The following EP400 variants were observed in gnomAD, a reference collection of about 807,000 sequenced individuals.
EP400 encodes the protein E1A-binding protein p400.
Under a neutral mutation model 354.1 loss-of-function variants are expected in EP400, and 105 were observed. The observed-to-expected ratio is 0.30, with a 90% CI of 0.25 to 0.35. The LOEUF (loss-of-function observed/expected upper bound fraction) is 0.35, where lower values mean the gene tolerates loss of function less well. Ranked by LOEUF, EP400 falls within the 10% of genes least tolerant of loss-of-function variation. The probability of loss-of-function intolerance (pLI) is 1.00; values close to 1 mark genes in which losing one functional copy is unlikely to be tolerated. For missense variants in EP400, 3,280 were observed against 4,121.0 expected (o/e 0.80, Z 5.59); for synonymous variants, 1,646 against 1,716.9 (o/e 0.96, Z 1.02).
chr12:131,971,836 G>A (rs1041961769), intron 2 of EP400, among the ~76,000 whole-genome samples: 1 of 151,958 alleles, frequency 6.6e-6, no homozygotes, highest in Non-Finnish European at 1.5e-5. Context: ...CCTCCACATC[G>A]TATTATGAAA....
intron 51 of EP400, among the ~76,000 whole-genome samples, chr12:132,071,900 C>T (rs990702095): frequency 2.0e-5 from 3 of 152,220 alleles, no homozygotes; most frequent in Admixed American, 6.5e-5. Flanking sequence ...ATAAAGCAAG[C>T]CCCATGAGTA....
At chr12:132,042,471 C>T (rs989420224) in intron 32 of EP400, among the ~76,000 whole-genome samples, 6 of 152,142 alleles carry the variant, frequency 3.9e-5, no homozygotes, top group Admixed American at 1.3e-4. Flanking sequence ...TTACTCTGCC[C>T]ACCTGAAGGT....
At position 132,064,666 on chromosome 12, in the gene EP400, A is replaced by C. The variant is rs762276145; in HGVS notation, c.8335-2A>C. 1 of 1,610,388 alleles carries C rather than the reference A, an allele frequency of 6.2e-7. No homozygotes were observed. Among genetic ancestry groups the C allele is most frequent in the South Asian group, 1.1e-5 (1 of 90,970 alleles). On this transcript the variant is annotated splice_acceptor_variant, in intron 47 of 52. Coordinates refer to ENST00000389561, the MANE Select transcript of EP400 (RefSeq NM_015409.5). LOFTEE classifies it high-confidence loss of function. ...AGAGAAGATACTTTGCTTGTATTTTAGGAACACCTCATCAAAATGCAGAAG... is the reference window on the plus strand; with the variant it reads ...AGAGAAGATACTTTGCTTGTATTTTCGGAACACCTCATCAAAATGCAGAAG...
rs534016465 is a variant in EP400 at position 131,962,004 on chromosome 12, A to T, written c.1335+50A>T. 6.9e-5 allele frequency: 107 copies of T among 1,542,436 alleles called. No individual in the cohort carries two copies. In the South Asian group the frequency reaches 1.2e-3, roughly 18 times the overall value. On this transcript the variant is annotated intron_variant, in intron 2 of 52. Coordinates refer to ENST00000389561, the MANE Select transcript of EP400 (RefSeq NM_015409.5). ...TAGTACAAATCTTCTAGATGATCAGAGTCTATGCGACAATGAATTAAGTAA... is the reference window on the plus strand; with the variant it reads ...TAGTACAAATCTTCTAGATGATCAGTGTCTATGCGACAATGAATTAAGTAA...
chr12:132,077,284 C>A, intron 52 of EP400, 117 bp from the exon 53 acceptor site: 1 of 1,310,848 alleles, frequency 7.6e-7, no homozygotes, highest in Non-Finnish European at 1.1e-6. Context: ...TCTTCCGTGT[C>A]ATAAAAGCAT....
intron 15 of EP400, among the ~76,000 whole-genome samples, chr12:132,007,288 T>C (rs1215326617): frequency 1.3e-5 from 2 of 152,256 alleles, no homozygotes; most frequent in African/African-American, 4.8e-5. Flanking sequence ...TTTCATGTTA[T>C]CATGTCCATG....
chr12:131,978,259 G>T (rs1405027897), intron 2 of EP400, among the ~76,000 whole-genome samples: 1 of 152,156 alleles, frequency 6.6e-6, no homozygotes, highest in African/African-American at 2.4e-5. Flanking sequence ...CCGCCCATGT[G>T]CACAGCCTCC....
At chr12:132,042,988 C>T (rs75171399) in intron 32 of EP400, among the ~76,000 whole-genome samples, 7,941 of 152,320 alleles carry the variant, frequency 0.052, 295 homozygotes, top group Non-Finnish European at 0.084. Context: ...CTTTCTTGTT[C>T]TCCAAGCTTC....
chr12:131,990,708 A>G lies in EP400; in HGVS notation c.2623A>G (p.Arg875Gly). The G allele has an allele frequency of 6.2e-7, 1 of 1,610,390 alleles. No individual in the cohort carries two copies. The highest frequency in any genetic ancestry group is 8.5e-7 in the Non-Finnish European group (1 of 1,177,718). The change falls in exon 9 of 53, where the codon AGG becomes GGG. Residue 875 changes from arginine (R) to glycine (G), a missense_variant. Around this residue, in one of 20 missense-constraint regions of EP400, gnomAD observed 800 missense variants for 840.0 expected, o/e 0.95. Transcript: ENST00000389561. This position sits in a 1 kb window ranked among gnomAD's most constrained non-coding sequence, Gnocchi z 4.2. ...GGCCTTAAATTTACAGAAAGTTTCC[A>G]GGAGAGGTAGGACCCTTTAAAAAAA... ...KKALNLQKVS[R>G]RGKELRPKGF...
At chr12:132,015,075 G>C (rs987823801) in intron 19 of EP400, among the ~76,000 whole-genome samples, 1 of 152,238 alleles carries the variant, frequency 6.6e-6, no homozygotes, top group Non-Finnish European at 1.5e-5. Context: ...TTCTGTGCAT[G>C]CGCATGTGGA....
chr12:132,024,973 C>G (rs1894253818), intron 24 of EP400, among the ~76,000 whole-genome samples: 1 of 152,144 alleles, frequency 6.6e-6, no homozygotes, highest in Non-Finnish European at 1.5e-5. Context: ...GGTGAGCCCA[C>G]TGACCTCCTT....
intron 45 of EP400, among the ~76,000 whole-genome samples, chr12:132,060,534 G>T (rs952897191): frequency 6.6e-6 from 1 of 152,218 alleles, no homozygotes; most frequent in Non-Finnish European, 1.5e-5. Flanking sequence ...AGCAGCAGCA[G>T]TGAGGCCGGG....
Position 132,077,590 on chromosome 12 carries a change from G to A in EP400, c.9289G>A (p.Asp3097Asn), listed in dbSNP as rs768908362. Residue 3097 changes from aspartate (D) to asparagine (N), a missense_variant, in exon 53 of 53, where the codon GAC becomes AAC. Asp to Asn is a conservative substitution (Grantham distance 23, BLOSUM62 1). Transcript: ENST00000389561. ...PNPAQVPASS[D>N]SPSQQPKLQM... The stretch of plus-strand genomic sequence containing the variant: ...CCCAGCCCAGGTGCCCGCCAGCTCC[G>A]ACAGCCCAAGCCAGCAGCCCAAGTT... 3.7e-5 allele frequency: 59 copies of A among 1,613,840 alleles called. No individual in the cohort carries two copies. The highest frequency in any genetic ancestry group is 4.7e-5 in the Non-Finnish European group (56 of 1,179,990).
chr12:132,017,637 C>T lies in EP400; in HGVS notation c.4026C>T (p.His1342=). ...ACCCTGGGCTCGTCGAGCCCCGGCACCCAGGCTCTTCCTACGTGGCGGGGC... is the reference window on the plus strand; with the variant it reads ...ACCCTGGGCTCGTCGAGCCCCGGCATCCAGGCTCTTCCTACGTGGCGGGGC... ...CNHPGLVEPR[H]PGSSYVAGPL... is the part of the protein sequence containing the mutation. The change falls in exon 20 of 53, where the codon CAC becomes CAT. Residue 1342 remains histidine, a synonymous_variant. Transcript: ENST00000389561. This position sits in a 1 kb window ranked among gnomAD's most constrained non-coding sequence, Gnocchi z 5.0. 2 of 1,608,016 alleles carry T rather than the reference C, an allele frequency of 1.2e-6. No individual in the cohort carries two copies. Among genetic ancestry groups the T allele is most frequent in the South Asian group, 1.1e-5 (1 of 90,630 alleles).
intron 32 of EP400, among the ~76,000 whole-genome samples, chr12:132,039,641 C>T (rs1451453508): frequency 6.6e-6 from 1 of 152,214 alleles, no homozygotes; most frequent in East Asian, 1.9e-4. Context: ...TTCCTTTGCA[C>T]AGAAATACCT....
chr12:131,991,570 T>C, intron 10 of EP400, 114 bp downstream of exon 10: 1 of 949,420 alleles, frequency 1.1e-6, no homozygotes, highest in Admixed American at 2.4e-5. Flanking sequence ...TTACTTCCTT[T>C]CTTTTCTTTT....
chr12:132,027,236 A>G lies in EP400; in HGVS notation c.5015-201A>G, dbSNP rs1894337382. ...CTGCGAGCCAGCATGCTTCCGTGGC[A>G]GGTCTAAAGCATTTAAGTTTGAGCC... On this transcript the variant is annotated intron_variant, in intron 25 of 52. Transcript: ENST00000389561. The surrounding 1 kb of genome is among the most constrained non-coding windows in gnomAD (Gnocchi z 4.9). 6.6e-6 allele frequency among the ~76,000 whole-genome samples: 1 copy of G among 152,218 alleles called. No homozygotes were observed. Among genetic ancestry groups the G allele is most frequent in the African/African-American group, 2.4e-5 (1 of 41,454 alleles).
In EP400 at chr12:132,018,661, C is replaced by T. The variant is rs1453833787; in HGVS notation, c.4277+285C>T. On this transcript the variant is annotated intron_variant, in intron 21 of 52. Coordinates refer to ENST00000389561, the MANE Select transcript of EP400 (RefSeq NM_015409.5). This position sits in a 1 kb window ranked among gnomAD's most constrained non-coding sequence, Gnocchi z 4.0. Reference sequence around the variant, plus strand: ...CAGGGCTGCATTTGACCTGGTGCCTCGTGTGGTGGAGGCTGGTGTGGCCGA... The same window carrying T: ...CAGGGCTGCATTTGACCTGGTGCCTTGTGTGGTGGAGGCTGGTGTGGCCGA... 2.6e-5 allele frequency among the ~76,000 whole-genome samples: 4 copies of T among 152,196 alleles called. No homozygotes were observed. The highest frequency in any genetic ancestry group is 1.9e-4 in the East Asian group (1 of 5,184).
chr12:132,050,937 G>A lies in EP400; in HGVS notation c.7394+282G>A. 1 of 532,204 alleles carries A rather than the reference G, an allele frequency of 1.9e-6. No individual in the cohort carries two copies. The highest frequency in any genetic ancestry group is 3.4e-6 in the Non-Finnish European group (1 of 296,936). 33.0% of individuals were successfully genotyped at this position (532,204 alleles called of 1,614,324 possible). On this transcript the variant is annotated intron_variant, in intron 41 of 52. Coordinates refer to ENST00000389561, the MANE Select transcript of EP400 (RefSeq NM_015409.5). This position sits in a 1 kb window ranked among gnomAD's most constrained non-coding sequence, Gnocchi z 4.8. ...TGTGATGAGTGTGCCAGGGCCATGT[G>A]GCCAACCACAAGGGGCTTTCTTCCT...
Sources: gnomAD v4.1 joint callset for allele counts (sites outside exome capture counted in the v4.1 genomes callset) on GRCh38, gnomAD v4.1.1 for gene constraint, gnomAD v4.1.1 regional missense constraint, Gnocchi (gnomAD v3.1) non-coding constraint, MANE v1.5 for transcripts, NCBI Gene and HGNC (gene_info 2026-07-23, HGNC 2026-07-21) for gene names.